The following OR2L13 variants were observed in gnomAD, a reference collection of about 807,000 sequenced individuals.
OR2L13 encodes olfactory receptor family 2 subfamily L member 13, also known as olfactory receptor 2L13.
In OR2L13, 14 loss-of-function variants were observed where a neutral mutation model predicts 15.3. The observed-to-expected ratio is 0.91, with a 90% CI of 0.60 to 1.43. The LOEUF is 1.43. OR2L13 is among the 40% of genes most tolerant of loss of function. OR2L13 has a pLI of 0.00. For missense variants in OR2L13, 367 were observed against 387.9 expected (o/e 0.95, Z 0.45); for synonymous variants, 152 against 142.9 (o/e 1.06, Z -0.45).
At chr1:247,970,299 T>C in the OR2L13 span, among the ~76,000 whole-genome samples, 1 of 152,186 alleles carries the variant, frequency 6.6e-6, no homozygotes, top group East Asian at 1.9e-4. Context: ...GTAACTAACC[T>C]GTACATTGTG....
chr1:248,038,102 T>A, the OR2L13 span: 1 of 532,748 alleles, frequency 1.9e-6, no homozygotes, highest in Non-Finnish European at 3.3e-6. Flanking sequence ...TTAAAGTTTA[T>A]AATATGCATT....
the OR2L13 span, among the ~76,000 whole-genome samples, chr1:248,077,040 G>T: frequency 4.4e-3 from 666 of 151,982 alleles, 8 homozygotes; most frequent in African/African-American, 0.015. Flanking sequence ...TATTGAGAGT[G>T]TTTAGCATGA....
At chr1:247,960,054 T>C in the OR2L13 span, among the ~76,000 whole-genome samples, 1 of 152,188 alleles carries the variant, frequency 6.6e-6, no homozygotes, top group Non-Finnish European at 1.5e-5. Context: ...CTCTGTTTTT[T>C]CCCCATCTTT....
chr1:248,013,445 T>C, the OR2L13 span, among the ~76,000 whole-genome samples: 1 of 152,152 alleles, frequency 6.6e-6, no homozygotes, highest in Non-Finnish European at 1.5e-5. Flanking sequence ...TCCTCTGTTA[T>C]TAGTGACTCA....
At chr1:247,985,856 G>A in the OR2L13 span, among the ~76,000 whole-genome samples, 1 of 151,354 alleles carries the variant, frequency 6.6e-6, no homozygotes, top group Non-Finnish European at 1.5e-5. Flanking sequence ...TTCTCTGATG[G>A]ACAGTGATGA....
upstream of OR2L13, among the ~76,000 whole-genome samples, chr1:248,090,729 T>C (rs1664576899): frequency 6.6e-6 from 1 of 152,232 alleles, no homozygotes; most frequent in Non-Finnish European, 1.5e-5. Context: ...CTATTGTGAA[T>C]AGTGCTGTGA....
At chr1:248,005,338 A>T in the OR2L13 span, among the ~76,000 whole-genome samples, 1 of 152,198 alleles carries the variant, frequency 6.6e-6, no homozygotes, top group East Asian at 1.9e-4. Context: ...AAAAATAAAA[A>T]AATTAAATCA....
At chr1:248,070,827 A>G in the OR2L13 span, among the ~76,000 whole-genome samples, 2 of 151,838 alleles carry the variant, frequency 1.3e-5, no homozygotes, top group South Asian at 4.1e-4. Flanking sequence ...ACAAACTATC[A>G]TCAGAGAATA....
the OR2L13 span, chr1:248,003,191 A>G: frequency 5.4e-6 from 8 of 1,481,084 alleles, no homozygotes; most frequent in East Asian, 4.5e-5. Flanking sequence ...CCCACCATCA[A>G]GAATTGGCCT....
At chr1:248,048,999 C>T in the OR2L13 span, among the ~76,000 whole-genome samples, 2 of 151,320 alleles carry the variant, frequency 1.3e-5, no homozygotes, top group Non-Finnish European at 2.9e-5. Context: ...GGAGACCAGC[C>T]TTATATTGTG....
chr1:247,975,812 A>G, the OR2L13 span, among the ~76,000 whole-genome samples: 2 of 152,196 alleles, frequency 1.3e-5, no homozygotes, highest in African/African-American at 4.8e-5. Flanking sequence ...ATAATTGCAT[A>G]TTCTAAGACA....
At chr1:248,100,586 C>T (rs1572746633) in exon 3 of OR2L13, 3 of 185,084 alleles carry the variant, frequency 1.6e-5, no homozygotes, top group Admixed American at 6.2e-5. Context: ...TTACTATTAA[C>T]GTGATAATGT....
the OR2L13 span, among the ~76,000 whole-genome samples, chr1:247,938,405 G>A: frequency 6.6e-6 from 1 of 152,086 alleles, no homozygotes; most frequent in Non-Finnish European, 1.5e-5. Flanking sequence ...CATGAAATCA[G>A]AGACAGTAAA....
chr1:248,020,864 A>C, the OR2L13 span, among the ~76,000 whole-genome samples: 2 of 151,386 alleles, frequency 1.3e-5, no homozygotes, highest in Admixed American at 1.3e-4. Flanking sequence ...GCTTTGCATA[A>C]TAATTCCAAG....
chr1:247,947,604 T>C, the OR2L13 span, among the ~76,000 whole-genome samples: 1 of 152,220 alleles, frequency 6.6e-6, no homozygotes, highest in African/African-American at 2.4e-5. Context: ...AAGCAATGTG[T>C]AATGTTATCT....
At chr1:248,068,243 C>A in the OR2L13 span, among the ~76,000 whole-genome samples, 1 of 152,090 alleles carries the variant, frequency 6.6e-6, no homozygotes, top group African/African-American at 2.4e-5. Context: ...CTGGGAGGCA[C>A]CCCCCAGTAG....
At chr1:247,993,496 G>A in the OR2L13 span, among the ~76,000 whole-genome samples, 1 of 151,978 alleles carries the variant, frequency 6.6e-6, no homozygotes, top group Non-Finnish European at 1.5e-5. Context: ...CATGTCAAAA[G>A]TGAGTTCAGA....
chr1:248,016,526 A>G, the OR2L13 span, among the ~76,000 whole-genome samples: 3 of 152,116 alleles, frequency 2.0e-5, no homozygotes, highest in African/African-American at 4.8e-5. Flanking sequence ...CTTATTCGTG[A>G]TATAAAAATC....
the OR2L13 span, among the ~76,000 whole-genome samples, chr1:248,037,314 A>G: frequency 5.3e-5 from 8 of 152,202 alleles, no homozygotes; most frequent in African/African-American, 1.9e-4. Flanking sequence ...CTGCAGTTCT[A>G]CAAGTAAGTC....
Sources: gnomAD v4.1 joint callset for allele counts (sites outside exome capture counted in the v4.1 genomes callset) on GRCh38, gnomAD v4.1.1 for gene constraint, MANE v1.5 for transcripts, NCBI Gene and HGNC (gene_info 2026-07-23, HGNC 2026-07-21) for gene names.